ARMC2: variants seen among roughly 807,000 people sequenced by gnomAD.
ARMC2 encodes armadillo repeat-containing protein 2.
Under a neutral mutation model 90.3 loss-of-function variants are expected in ARMC2, and 67 were observed. The observed-to-expected ratio is 0.74, with a 90% CI of 0.61 to 0.91. The LOEUF is 0.91. Among genes scored for constraint, ARMC2 ranks in the 40% least tolerant of loss-of-function variants. The pLI is 0.00. For synonymous variants in ARMC2, 393 were observed against 393.0 expected (o/e 1.00, Z 0.00); for missense variants, 920 against 1,030.9 (o/e 0.89, Z 1.47).
rs376258396 is a variant in ARMC2, at chr6:108,859,630, T to A, written c.291+1359T>A. On this transcript the variant is annotated intron_variant, in intron 3 of 17. Coordinates refer to ENST00000392644, the MANE Select transcript of ARMC2 (RefSeq NM_032131.6). ...TCATGCCTTTCAGTAAACATGGATA[T>A]TAATTGAATATTTAATATCATCATA... is the stretch of plus-strand genomic sequence containing the variant. Among the ~76,000 whole-genome samples, 42 of 152,322 alleles carry A rather than the reference T, an allele frequency of 2.8e-4. No homozygotes were observed. In the East Asian group the frequency reaches 4.8e-3, roughly 17 times the overall value.
At chr6:108,951,064 T>C (rs1213864646) in intron 12 of ARMC2, among the ~76,000 whole-genome samples, 1 of 152,226 alleles carries the variant, frequency 6.6e-6, no homozygotes, top group African/African-American at 2.4e-5. Context: ...TTGCCTGTTG[T>C]ATCTCATGTG....
chr6:108,907,954 A>C (rs538715229), intron 8 of ARMC2: 2 of 1,210,506 alleles, frequency 1.7e-6, no homozygotes, highest in African/African-American at 3.0e-5. Context: ...TATTATTTTA[A>C]ATACCTAATC....
At chr6:109,002,296 T>A in the ARMC2 span, 3 of 1,613,414 alleles carry the variant, frequency 1.9e-6, no homozygotes, top group East Asian at 4.5e-5. Flanking sequence ...CTGGGATGAA[T>A]CTGCTTGGTC....
At chr6:109,040,621 G>A in the ARMC2 span, among the ~76,000 whole-genome samples, 1 of 151,296 alleles carries the variant, frequency 6.6e-6, no homozygotes, top group South Asian at 2.1e-4. Context: ...GAAAACAAAT[G>A]AACTGTTAAA....
intron 1 of ARMC2, among the ~76,000 whole-genome samples, chr6:108,852,343 A>G (rs889356578): frequency 6.6e-6 from 1 of 152,250 alleles, no homozygotes; most frequent in African/African-American, 2.4e-5. Context: ...AGTTTCTCAC[A>G]ATATAATTGT....
chr6:108,921,599 A>C (rs1010721548), intron 10 of ARMC2, among the ~76,000 whole-genome samples: 12 of 152,222 alleles, frequency 7.9e-5, no homozygotes, highest in Non-Finnish European at 1.6e-4. Context: ...CATATATGAG[A>C]CAATATGAAA....
chr6:108,973,280 C>A, intron 17 of ARMC2, 77 bp from the exon 18 acceptor site: 2 of 1,290,100 alleles, frequency 1.6e-6, no homozygotes, highest in East Asian at 2.5e-5. Context: ...GAGTTTAACT[C>A]ATATCATCAA....
chr6:108,966,174 T>C (rs1165372944), intron 17 of ARMC2, among the ~76,000 whole-genome samples: 1 of 148,254 alleles, frequency 6.7e-6, no homozygotes, highest in African/African-American at 2.5e-5. Flanking sequence ...GTGCTGAGTT[T>C]TTAAATTTTG....
At chr6:108,970,479 TTTTTCTTCTCTTTTC>T in intron 17 of ARMC2, among the ~76,000 whole-genome samples, 1 of 150,042 alleles carries the variant, frequency 6.7e-6, no homozygotes, top group African/African-American at 2.4e-5. Context: ...CTTTCTTTTC[TTTTTCTTCTCTTTTC>T]TTTTTTTTTT....
At chr6:108,923,413 TA>T (rs1774782094) in intron 10 of ARMC2, among the ~76,000 whole-genome samples, 2 of 151,900 alleles carry the variant, frequency 1.3e-5, no homozygotes, top group Non-Finnish European at 2.9e-5. Context: ...GGGTGGGAAA[TA>T]AAGACCCTGC....
chr6:108,918,482 A>ATTT (rs67505412), intron 10 of ARMC2, among the ~76,000 whole-genome samples: 10 of 146,618 alleles, frequency 6.8e-5, no homozygotes, highest in South Asian at 2.1e-4. Context: ...GATATACTTG[A>ATTT]TTTTTTTTTT....
At chr6:108,934,193 G>A (rs1304356300) in intron 11 of ARMC2, among the ~76,000 whole-genome samples, 1 of 152,182 alleles carries the variant, frequency 6.6e-6, no homozygotes, top group African/African-American at 2.4e-5. Context: ...TTTTTACCAT[G>A]AAGGAGTGTT....
At chr6:109,020,563 C>G in the ARMC2 span, among the ~76,000 whole-genome samples, 1 of 152,132 alleles carries the variant, frequency 6.6e-6, no homozygotes, top group East Asian at 1.9e-4. Flanking sequence ...GCAAACTGAA[C>G]AAATTGCACA....
At chr6:109,048,979 C>G in the ARMC2 span, among the ~76,000 whole-genome samples, 2 of 152,166 alleles carry the variant, frequency 1.3e-5, no homozygotes. Flanking sequence ...CTCTCTAGGA[C>G]TTAGTGTCTT....
chr6:108,890,205 A>AAAAAC (rs1770845084), intron 5 of ARMC2, among the ~76,000 whole-genome samples: 2 of 34,040 alleles, frequency 5.9e-5, no homozygotes, highest in Non-Finnish European at 1.3e-4. Context: ...AAAAAAAAAA[A>AAAAAC]AAAAAAAAAA....
chr6:108,906,969 C>T (rs1265765065), intron 8 of ARMC2, among the ~76,000 whole-genome samples: 2 of 152,122 alleles, frequency 1.3e-5, no homozygotes, highest in South Asian at 2.1e-4. Context: ...AAAATAAGAT[C>T]GTCTACATCC....
chr6:109,006,753 CAT>C, the ARMC2 span, among the ~76,000 whole-genome samples: 1 of 152,140 alleles, frequency 6.6e-6, no homozygotes, highest in African/African-American at 2.4e-5. Context: ...TTCTTGGTCA[CAT>C]GTTAAATTGG....
chr6:108,918,999 C>T (rs1774274560), intron 10 of ARMC2, among the ~76,000 whole-genome samples: 1 of 152,122 alleles, frequency 6.6e-6, no homozygotes, highest in African/African-American at 2.4e-5. Context: ...CTTTGATAAG[C>T]AATGTAGAGA....
At chr6:108,852,707 T>G (rs1412761719) in intron 1 of ARMC2, among the ~76,000 whole-genome samples, 1 of 152,200 alleles carries the variant, frequency 6.6e-6, no homozygotes, top group African/African-American at 2.4e-5. Context: ...ATTGTTAGAC[T>G]TATTAGTGCC....
Sources: gnomAD v4.1 joint callset for allele counts (sites outside exome capture counted in the v4.1 genomes callset) on GRCh38, gnomAD v4.1.1 for gene constraint, MANE v1.5 for transcripts, NCBI Gene and HGNC (gene_info 2026-07-23, HGNC 2026-07-21) for gene names.